Variants in TYR observed in about 807,000 individuals in gnomAD.
TYR encodes tyrosinase, also known as LB24-AB.
TYR carries 58 observed loss-of-function variants against 51.5 expected under a neutral mutation model. The observed-to-expected ratio is 1.13, with a 90% CI of 0.91 to 1.40. TYR has a LOEUF of 1.40. TYR is among the 40% of genes most tolerant of loss of function. The probability of loss-of-function intolerance (pLI) is 0.00; values close to 1 mark genes in which losing one functional copy is unlikely to be tolerated. For missense variants in TYR, 732 were observed against 647.4 expected (o/e 1.13, Z -1.42); for synonymous variants, 263 against 235.2 (o/e 1.12, Z -1.08).
Position 89,240,479 on chromosome 11 carries a change from A to C in TYR, c.1184+12509A>C, listed in dbSNP as rs563312351. ...TTATTGCATTGTATAGGTTGTTCAC[A>C]ATTTTTAAAAATTAGTTCTTTTTGT... On this transcript the variant is annotated intron_variant, in intron 3 of 4. Coordinates refer to ENST00000263321, the MANE Select transcript of TYR (RefSeq NM_000372.5). Among the ~76,000 whole-genome samples the C allele has an allele frequency of 4.9e-3, 742 of 152,210 alleles. 7 individuals are homozygous for C. Among genetic ancestry groups the C allele is most frequent in the Middle Eastern group, 0.01 (3 of 294 alleles).
chr11:89,277,257 A>C (rs577571599), intron 3 of TYR, among the ~76,000 whole-genome samples: 1 of 151,898 alleles, frequency 6.6e-6, no homozygotes, highest in South Asian at 2.1e-4. Context: ...AATAAAAGAA[A>C]AAAAATTTAG....
At position 89,295,449 on chromosome 11, in the gene TYR, C is replaced by A; in HGVS notation, c.*83C>A. ...TGTCCAGGTTCCCAGAGAATATCTG[C>A]TGGTATTTTTCTGTAAAGACCATTT... On this transcript the variant is annotated 3_prime_UTR_variant, in exon 5 of 5. Coordinates refer to ENST00000263321, the MANE Select transcript of TYR (RefSeq NM_000372.5). The A allele has an allele frequency of 6.5e-7, 1 of 1,542,418 alleles. No homozygotes were observed. The highest frequency in any genetic ancestry group is 8.8e-7 in the Non-Finnish European group (1 of 1,134,302).
intron 3 of TYR, among the ~76,000 whole-genome samples, chr11:89,230,615 A>T (rs1447024428): frequency 6.6e-6 from 1 of 152,112 alleles, no homozygotes; most frequent in Non-Finnish European, 1.5e-5. Flanking sequence ...AGGAGAATAT[A>T]TTTGCAAACT....
intron 3 of TYR, among the ~76,000 whole-genome samples, chr11:89,278,624 G>T (rs1409102729): frequency 6.6e-6 from 1 of 151,292 alleles, no homozygotes; most frequent in Non-Finnish European, 1.5e-5. Flanking sequence ...TATTTTATTT[G>T]TAAAAATGTT....
chr11:89,289,743 A>T (rs1487901181), intron 4 of TYR, among the ~76,000 whole-genome samples: 1 of 152,040 alleles, frequency 6.6e-6, no homozygotes, highest in African/African-American at 2.4e-5. Flanking sequence ...ATATAAATAG[A>T]TATAATTATA....
At chr11:89,203,107 A>C (rs1221556565) in intron 2 of TYR, among the ~76,000 whole-genome samples, 6 of 152,220 alleles carry the variant, frequency 3.9e-5, no homozygotes, top group Non-Finnish European at 8.8e-5. Flanking sequence ...CAACAGAGAA[A>C]ACAAAATTAG....
chr11:89,191,794 G>C (rs1310211489), intron 2 of TYR, among the ~76,000 whole-genome samples: 1 of 152,174 alleles, frequency 6.6e-6, no homozygotes, highest in Non-Finnish European at 1.5e-5. Context: ...AGAAGCAGCA[G>C]TAGCAGCTTT....
intron 2 of TYR, 44 bp from the exon 3 acceptor site, chr11:89,227,779 T>C (rs1441707146): frequency 1.3e-6 from 2 of 1,551,022 alleles, no homozygotes; most frequent in East Asian, 4.5e-5. Context: ...AGGTTTTCAG[T>C]CATTAAAGTA....
intron 2 of TYR, among the ~76,000 whole-genome samples, chr11:89,214,859 A>G (rs982294209): frequency 6.6e-6 from 1 of 152,178 alleles, no homozygotes; most frequent in East Asian, 1.9e-4. Context: ...AGCATCAAAC[A>G]TGCCTCATTT....
intron 4 of TYR, among the ~76,000 whole-genome samples, chr11:89,294,664 A>T (rs148036544): frequency 0.014 from 2,205 of 152,338 alleles, 29 homozygotes; most frequent in Non-Finnish European, 0.023. Context: ...GTGAATACAG[A>T]GATTGTTCAA....
chr11:89,260,383 G>T (rs1330092620), intron 3 of TYR, among the ~76,000 whole-genome samples: 1 of 151,968 alleles, frequency 6.6e-6, no homozygotes, highest in Non-Finnish European at 1.5e-5. Context: ...AAACTATGAA[G>T]GCCAGAAAAC....
chr11:89,273,220 T>C (rs1944611368), intron 3 of TYR, among the ~76,000 whole-genome samples: 1 of 151,952 alleles, frequency 6.6e-6, no homozygotes, highest in Non-Finnish European at 1.5e-5. Context: ...TTCCTACCTC[T>C]AGGTAATTAT....
At chr11:89,228,993 T>C (rs1317713879) in intron 3 of TYR, among the ~76,000 whole-genome samples, 2 of 152,094 alleles carry the variant, frequency 1.3e-5, no homozygotes, top group African/African-American at 2.4e-5. Context: ...CACAGATTTA[T>C]ACCTGCCATT....
Position 89,295,555 on chromosome 11 carries a change from T to C in TYR, c.*189T>C. On this transcript the variant is annotated 3_prime_UTR_variant, in exon 5 of 5. Coordinates refer to ENST00000263321, the MANE Select transcript of TYR (RefSeq NM_000372.5). The stretch of plus-strand genomic sequence containing the variant: ...CCTGTCTTTGTCTTGCTGTTTTCAC[T>C]CAGCCCTTTTAACATTTTCCCCTAA... The C allele has an allele frequency of 1.4e-6, 1 of 690,612 alleles. No homozygotes were observed. Among genetic ancestry groups the C allele is most frequent in the South Asian group, 1.8e-5 (1 of 55,128 alleles). 42.8% of individuals were successfully genotyped at this position (690,612 alleles called of 1,614,324 possible).
intron 3 of TYR, among the ~76,000 whole-genome samples, chr11:89,274,344 C>A (rs60769079): frequency 6.6e-6 from 1 of 151,878 alleles, no homozygotes; most frequent in Non-Finnish European, 1.5e-5. Context: ...ATAGGCATAC[C>A]AATTTCTTGA....
intron 4 of TYR, among the ~76,000 whole-genome samples, chr11:89,287,933 G>A (rs1944810518): frequency 6.6e-6 from 1 of 151,856 alleles, no homozygotes. Context: ...ACAGAACTTG[G>A]AAAATTATTT....
chr11:89,213,706 A>T (rs1943793537), intron 2 of TYR, among the ~76,000 whole-genome samples: 1 of 152,176 alleles, frequency 6.6e-6, no homozygotes, highest in African/African-American at 2.4e-5. Flanking sequence ...ACAAGGCTAC[A>T]CTAACCAAAA....
intron 3 of TYR, among the ~76,000 whole-genome samples, chr11:89,235,516 T>C (rs1294918088): frequency 6.6e-6 from 1 of 152,156 alleles, no homozygotes; most frequent in Non-Finnish European, 1.5e-5. Flanking sequence ...CTGTCATCTA[T>C]CATAATATAG....
intron 2 of TYR, among the ~76,000 whole-genome samples, chr11:89,213,267 A>C (rs960426245): frequency 6.6e-6 from 1 of 152,208 alleles, no homozygotes; most frequent in Non-Finnish European, 1.5e-5. Flanking sequence ...ATGTGCAAAA[A>C]TCACAAGCAT....
Sources: gnomAD v4.1 joint callset for allele counts (sites outside exome capture counted in the v4.1 genomes callset) on GRCh38, gnomAD v4.1.1 for gene constraint, MANE v1.5 for transcripts, NCBI Gene and HGNC (gene_info 2026-07-23, HGNC 2026-07-21) for gene names.